DLG2: variants seen among roughly 807,000 people sequenced by gnomAD.
DLG2 encodes the protein discs large MAGUK scaffold protein 2.
DLG2 carries 45 observed loss-of-function variants against 132.5 expected under a neutral mutation model. That is an observed-to-expected ratio of 0.34 (90% confidence interval 0.27 to 0.44). The LOEUF is 0.44. Among genes scored for constraint, DLG2 ranks in the 20% least tolerant of loss-of-function variants. The pLI is 1.00. For synonymous variants in DLG2, 424 were observed against 419.6 expected, an observed-to-expected ratio of 1.01 and a Z score of -0.13; for missense variants, 1,045 against 1,196.9, an observed-to-expected ratio of 0.87 and a Z score of 1.87.
chr11:84,975,523 G>C (rs2054774912), intron 6 of DLG2, among the ~76,000 whole-genome samples: 1 of 152,170 alleles, frequency 6.6e-6, no homozygotes, highest in Admixed American at 6.6e-5. Context: ...AAGCTTAGCA[G>C]AATTAGAAAT....
chr11:85,183,220 T>A (rs868481200), intron 4 of DLG2, among the ~76,000 whole-genome samples: 1 of 151,878 alleles, frequency 6.6e-6, no homozygotes, highest in Non-Finnish European at 1.5e-5. Flanking sequence ...AATCCCTCTT[T>A]GTTTTTCTGC....
intron 6 of DLG2, among the ~76,000 whole-genome samples, chr11:84,950,134 C>T (rs116967434): frequency 3.0e-4 from 46 of 152,274 alleles, no homozygotes; most frequent in Non-Finnish European, 6.2e-4. Context: ...AGTTGAATCT[C>T]AAATTAGAGT....
At chr11:85,606,592 G>T (rs534728835) in intron 2 of DLG2, among the ~76,000 whole-genome samples, 2 of 152,094 alleles carry the variant, frequency 1.3e-5, no homozygotes, top group Non-Finnish European at 2.9e-5. Context: ...ATAAAAGCAG[G>T]CCACCTGAGC....
intron 9 of DLG2, among the ~76,000 whole-genome samples, chr11:84,102,974 T>C (rs962473437): frequency 1.3e-5 from 2 of 152,098 alleles, no homozygotes; most frequent in African/African-American, 4.8e-5. Context: ...AGAATGAATA[T>C]ATTTAGGAAA....
intron 3 of DLG2, among the ~76,000 whole-genome samples, chr11:85,570,272 G>GA (rs2077772059): frequency 6.6e-6 from 1 of 152,046 alleles, no homozygotes; most frequent in Non-Finnish European, 1.5e-5. Flanking sequence ...TGGAAGATCT[G>GA]AAAAAAATTC....
At chr11:85,085,828 C>T (rs953992484) in intron 6 of DLG2, among the ~76,000 whole-genome samples, 9 of 152,056 alleles carry the variant, frequency 5.9e-5, no homozygotes, top group African/African-American at 2.2e-4. Flanking sequence ...ACTACATTGC[C>T]TTCCTAGAAA....
chr11:83,773,090 T>C (rs1352908899), intron 18 of DLG2, among the ~76,000 whole-genome samples: 1 of 152,222 alleles, frequency 6.6e-6, no homozygotes, highest in Non-Finnish European at 1.5e-5. Flanking sequence ...GATAATTCTA[T>C]GCTCCAGCTA....
intron 7 of DLG2, among the ~76,000 whole-genome samples, chr11:84,401,474 A>G (rs1241957968): frequency 6.6e-6 from 1 of 152,128 alleles, no homozygotes; most frequent in Non-Finnish European, 1.5e-5. Context: ...CAGAGTGCCT[A>G]ACGTGGTAGG....
At chr11:83,463,235 T>G (rs1169910261) in intron 26 of DLG2, among the ~76,000 whole-genome samples, 1 of 150,138 alleles carries the variant, frequency 6.7e-6, no homozygotes, top group African/African-American at 2.5e-5. Context: ...AGACTTGATA[T>G]CTTTCAAAAG....
At chr11:85,385,203 G>C (rs908424077) in intron 3 of DLG2, among the ~76,000 whole-genome samples, 6 of 152,148 alleles carry the variant, frequency 3.9e-5, no homozygotes, top group African/African-American at 1.4e-4. Flanking sequence ...ATCTGAGTCA[G>C]TGGCTCTCAA....
At chr11:83,587,003 C>A (rs1385953313) in intron 19 of DLG2, among the ~76,000 whole-genome samples, 5 of 152,186 alleles carry the variant, frequency 3.3e-5, no homozygotes, top group Non-Finnish European at 7.4e-5. Context: ...GACTTTAAAT[C>A]CTGACTCCTC....
chr11:84,633,402 C>A (rs2099635429), intron 6 of DLG2, among the ~76,000 whole-genome samples: 1 of 152,044 alleles, frequency 6.6e-6, no homozygotes, highest in South Asian at 2.1e-4. Flanking sequence ...CTCCTCTTCT[C>A]ACCCACCCCC....
At chr11:84,661,751 G>A (rs11234110) in intron 6 of DLG2, among the ~76,000 whole-genome samples, 15,565 of 152,122 alleles carry the variant, frequency 0.1, 971 homozygotes, top group South Asian at 0.24. Context: ...GAGACTGAGA[G>A]AGATGTCCCT....
At chr11:84,552,753 G>A (rs1434348811) in intron 6 of DLG2, among the ~76,000 whole-genome samples, 1 of 152,176 alleles carries the variant, frequency 6.6e-6, no homozygotes, top group Non-Finnish European at 1.5e-5. Flanking sequence ...TAGCCACCTA[G>A]TAACTGGTTT....
intron 7 of DLG2, among the ~76,000 whole-genome samples, chr11:84,528,220 A>C (rs1342119592): frequency 6.6e-6 from 1 of 152,160 alleles, no homozygotes; most frequent in Non-Finnish European, 1.5e-5. Context: ...TTCTTTTATG[A>C]AAGATTCTAG....
chr11:84,047,691 G>A (rs934377917), intron 11 of DLG2, among the ~76,000 whole-genome samples: 1 of 151,470 alleles, frequency 6.6e-6, no homozygotes, highest in Non-Finnish European at 1.5e-5. Flanking sequence ...ATTTGTTCAA[G>A]GAGCCATTGA....
At chr11:83,948,644 G>A (rs1414842122) in intron 14 of DLG2, among the ~76,000 whole-genome samples, 1 of 151,190 alleles carries the variant, frequency 6.6e-6, no homozygotes, top group Non-Finnish European at 1.5e-5. Flanking sequence ...ACTTGAGTTG[G>A]TCTGATTCTT....
At chr11:84,038,929 G>A (rs2853028) in intron 11 of DLG2, among the ~76,000 whole-genome samples, 132,477 of 151,978 alleles carry the variant, frequency 0.87, 57,999 homozygotes, top group Middle Eastern at 0.93. Flanking sequence ...CAATATCACT[G>A]GAACAGCATG....
chr11:84,026,683 C>T (rs1391938523), intron 11 of DLG2, among the ~76,000 whole-genome samples: 1 of 152,060 alleles, frequency 6.6e-6, no homozygotes, highest in Non-Finnish European at 1.5e-5. Flanking sequence ...AATGAACACA[C>T]TTAACCTTCC....
Sources: allele counts gnomAD v4.1 joint callset (sites outside exome capture counted in the v4.1 genomes callset), GRCh38; gene constraint gnomAD v4.1.1; transcripts MANE v1.5; gene names NCBI Gene and HGNC (gene_info 2026-07-23, HGNC 2026-07-21).